Variants in AMPD3 observed in about 807,000 individuals in gnomAD.
AMPD3 encodes adenosine monophosphate deaminase 3, also known as AMP deaminase 3.
AMPD3 carries 57 observed loss-of-function variants against 82.3 expected under a neutral mutation model. That is an observed-to-expected ratio of 0.69 (90% CI 0.56 to 0.86). The LOEUF (loss-of-function observed/expected upper bound fraction) is 0.86, where lower values mean the gene tolerates loss of function less well. Among genes scored for constraint, AMPD3 ranks in the 40% least tolerant of loss-of-function variants. The pLI is 0.00. For missense variants in AMPD3, 870 were observed against 1,003.8 expected (o/e 0.87, Z 1.80); for synonymous variants, 381 against 394.7 (o/e 0.97, Z 0.41).
intron 2 of AMPD3, among the ~76,000 whole-genome samples, chr11:10,463,072 C>T (rs1012622691): frequency 1.3e-5 from 2 of 152,108 alleles, no homozygotes. Context: ...TGGGCTTTAT[C>T]AGATTTTCTG....
At chr11:10,503,866 C>T in intron 13 of AMPD3, 5 of 610,280 alleles carry the variant, frequency 8.2e-6, no homozygotes, top group Non-Finnish European at 8.2e-6. Flanking sequence ...CAAGACCTTT[C>T]AAAAGGTCTT....
intron 10 of AMPD3, among the ~76,000 whole-genome samples, chr11:10,497,262 G>A (rs1418037537): frequency 6.6e-6 from 1 of 151,172 alleles, no homozygotes; most frequent in Admixed American, 6.6e-5. Context: ...GCTGGATCTA[G>A]CCCCCGGCAG....
chr11:10,501,100 G>A (rs1018882451), intron 11 of AMPD3: 67 of 985,258 alleles, frequency 6.8e-5, no homozygotes, highest in Non-Finnish European at 6.4e-5. Context: ...TCCGGGCCTT[G>A]GTTTGCCCAT....
intron 2 of AMPD3, 126 bp downstream of exon 2, chr11:10,461,866 T>A: frequency 1.1e-6 from 1 of 883,750 alleles, no homozygotes; most frequent in Non-Finnish European, 1.8e-6. Flanking sequence ...GTTGGTTCCT[T>A]AACCAAGACC....
chr11:10,456,520 A>G lies in AMPD3; in HGVS notation c.-6+1072A>G. 3.1e-6 allele frequency: 5 copies of G among 1,608,130 alleles called. No homozygotes were observed. Among genetic ancestry groups the G allele is most frequent in the Non-Finnish European group, 3.4e-6 (4 of 1,177,156 alleles). ...TTTCTGGAGGGACTGTGGCACCATG[A>G]AAAGTTACTGTTTGTTGAAACTGGC... On this transcript the variant is annotated intron_variant, in intron 1 of 14. Coordinates refer to ENST00000396553, the MANE Select transcript of AMPD3 (RefSeq NM_001025389.2). The surrounding 1 kb of genome is among the most constrained non-coding windows in gnomAD (Gnocchi z 4.3).
chr11:10,485,366 C>A (rs192135141), intron 5 of AMPD3, among the ~76,000 whole-genome samples: 1 of 152,224 alleles, frequency 6.6e-6, no homozygotes, highest in East Asian at 1.9e-4. Flanking sequence ...CTTGCCTCAG[C>A]GTCCTGAGTA....
upstream of AMPD3, among the ~76,000 whole-genome samples, chr11:10,454,457 G>A (rs1480314071): frequency 6.6e-6 from 1 of 152,172 alleles, no homozygotes; most frequent in Non-Finnish European, 1.5e-5. Flanking sequence ...GCAGTTCTAG[G>A]ATGGTCAAAT....
chr11:10,488,340 G>A, intron 6 of AMPD3: 1 of 985,440 alleles, frequency 1.0e-6, no homozygotes, highest in Non-Finnish European at 1.2e-6. Context: ...TTGAGGGAGA[G>A]GCCAGAACTG....
intron 6 of AMPD3, chr11:10,488,338 G>A (rs1412065756): frequency 1.0e-6 from 1 of 985,350 alleles, no homozygotes; most frequent in Non-Finnish European, 1.2e-6. Context: ...CTTTGAGGGA[G>A]AGGCCAGAAC....
chr11:10,456,330 G>T lies in AMPD3; in HGVS notation c.-6+882G>T. On this transcript the variant is annotated intron_variant, in intron 1 of 14. Coordinates refer to ENST00000396553, the MANE Select transcript of AMPD3 (RefSeq NM_001025389.2). The surrounding 1 kb of genome is among the most constrained non-coding windows in gnomAD (Gnocchi z 4.3). ...GCACTGACTCAGCTGAGCCTCCTGGGTGGCAGGCAGCACCTCACCCGGGTG... is the reference window on the plus strand; with the variant it reads ...GCACTGACTCAGCTGAGCCTCCTGGTTGGCAGGCAGCACCTCACCCGGGTG... The T allele has an allele frequency of 6.2e-7, 1 of 1,612,592 alleles. No individual in the cohort carries two copies. Among genetic ancestry groups the T allele is most frequent in the Non-Finnish European group, 8.5e-7 (1 of 1,178,964 alleles).
Position 10,501,509 on chromosome 11 carries a change from TG to T in AMPD3, c.1765del (p.Glu589LysfsTer60), listed in dbSNP as rs1460805268. The T allele has an allele frequency of 3.1e-6, 5 of 1,614,000 alleles. No individual in the cohort carries two copies. The highest frequency in any genetic ancestry group is 4.2e-6 in the Non-Finnish European group (5 of 1,180,028). On this transcript the variant is annotated frameshift_variant, in exon 12 of 15. Transcript: ENST00000396553. LOFTEE classifies it high-confidence loss of function. ...GCACGTTCCTGTTCCGGCCGCACTG[TG>T]GGGAAGCCGGCTCCATCACCCACCT... ...LSTFLFRPHCGEAGSITHLVS... is the reference protein window; with the variant it reads ...LSTFLFRPHCXEAGSITHLVS...
intron 7 of AMPD3, chr11:10,494,542 G>T: frequency 1.0e-6 from 1 of 985,126 alleles, no homozygotes; most frequent in Non-Finnish European, 1.2e-6. Context: ...AACATTGAAT[G>T]ATATAATGTG....
intron 2 of AMPD3, among the ~76,000 whole-genome samples, chr11:10,464,604 G>A (rs1022813995): frequency 1.3e-5 from 2 of 152,026 alleles, no homozygotes; most frequent in Non-Finnish European, 1.5e-5. Flanking sequence ...TCTGTCCATC[G>A]GCTTCTTTCC....
chr11:10,489,793 G>T (rs1849188885), intron 6 of AMPD3, among the ~76,000 whole-genome samples: 1 of 151,944 alleles, frequency 6.6e-6, no homozygotes, highest in African/African-American at 2.4e-5. Context: ...TGATTCTCCT[G>T]CCTCAGCCTC....
Position 10,455,354 on chromosome 11 carries a change from G to A in AMPD3, c.-100G>A. 1 of 985,424 alleles carries A rather than the reference G, an allele frequency of 1.0e-6. No homozygotes were observed. The highest frequency in any genetic ancestry group is 1.2e-6 in the Non-Finnish European group (1 of 829,958). The allele number at this position is 985,424 out of a possible 1,614,324, so 61.0% of individuals were successfully genotyped here. On this transcript the variant is annotated 5_prime_UTR_variant, in exon 1 of 15. Transcript: ENST00000396553. The stretch of plus-strand genomic sequence containing the variant: ...CTTGGTTTTAGAGGATTGCTCCTGT[G>A]GGTCACTTGAGGCAGGCTCCACCTT...
chr11:10,467,861 T>G (rs1419036845), intron 2 of AMPD3, among the ~76,000 whole-genome samples: 1 of 152,222 alleles, frequency 6.6e-6, no homozygotes, highest in Non-Finnish European at 1.5e-5. Flanking sequence ...GGGGCCAATA[T>G]TCAACATTCT....
chr11:10,495,874 T>C (rs1849383194), intron 9 of AMPD3, 141 bp downstream of exon 9: 3 of 1,107,902 alleles, frequency 2.7e-6, no homozygotes, highest in Admixed American at 2.0e-5. Flanking sequence ...GATTTTTCCA[T>C]AGAAGGAGTG....
At chr11:10,502,028 T>G (rs1002626086) in intron 12 of AMPD3, 11 of 985,468 alleles carry the variant, frequency 1.1e-5, no homozygotes, top group Non-Finnish European at 1.3e-5. Flanking sequence ...TCTGCCACTT[T>G]GTCTGTAATT....
chr11:10,473,263 C>G (rs1445044485), intron 2 of AMPD3: 5 of 555,550 alleles, frequency 9.0e-6, no homozygotes, highest in Non-Finnish European at 1.1e-5. Flanking sequence ...GAGCAAGACC[C>G]TGTGTCAAAA....
Sources: allele counts gnomAD v4.1 joint callset (sites outside exome capture counted in the v4.1 genomes callset), GRCh38; gene constraint gnomAD v4.1.1; non-coding constraint Gnocchi (gnomAD v3.1); transcripts MANE v1.5; gene names NCBI Gene and HGNC (gene_info 2026-07-23, HGNC 2026-07-21).